GRIK4: variants seen among roughly 807,000 people sequenced by gnomAD.
GRIK4 encodes glutamate receptor ionotropic, kainate 4.
GRIK4 carries 40 observed loss-of-function variants against 104.9 expected under a neutral mutation model. That is an observed-to-expected ratio of 0.38 (90% CI 0.30 to 0.50). The LOEUF (loss-of-function observed/expected upper bound fraction) is 0.50, where lower values mean the gene tolerates loss of function less well. Among genes scored for constraint, GRIK4 ranks in the 20% least tolerant of loss-of-function variants. The pLI, the probability that GRIK4 is intolerant of heterozygous loss-of-function variation, is 0.93. For missense variants in GRIK4, 1,047 were observed against 1,308.1 expected (o/e 0.80, Z 3.08); for synonymous variants, 485 against 524.9 (o/e 0.92, Z 1.04).
At chr11:120,548,451 G>T (rs1315864095) in intron 1 of GRIK4, among the ~76,000 whole-genome samples, 1 of 152,058 alleles carries the variant, frequency 6.6e-6, no homozygotes, top group Non-Finnish European at 1.5e-5. Flanking sequence ...GAGACAAGGG[G>T]TGTGGTCAGA....
At chr11:120,752,652 C>T (rs73576552) in intron 3 of GRIK4, among the ~76,000 whole-genome samples, 11,898 of 152,228 alleles carry the variant, frequency 0.078, 530 homozygotes, top group South Asian at 0.16. Flanking sequence ...TTTTACTTTC[C>T]ACCCTCCCTG....
chr11:120,775,325 C>T (rs919347326), intron 3 of GRIK4, among the ~76,000 whole-genome samples: 17 of 152,210 alleles, frequency 1.1e-4, no homozygotes, highest in East Asian at 1.9e-4. Flanking sequence ...TGTCTGATGA[C>T]GGGGAGGAGG....
At chr11:120,893,330 A>G (rs189018165) in intron 11 of GRIK4, among the ~76,000 whole-genome samples, 19 of 152,352 alleles carry the variant, frequency 1.2e-4, no homozygotes, top group African/African-American at 4.6e-4. Context: ...CATATCGGTT[A>G]TATTTACCTA....
intron 4 of GRIK4, among the ~76,000 whole-genome samples, chr11:120,805,951 C>G (rs1952702616): frequency 6.6e-6 from 1 of 152,194 alleles, no homozygotes; most frequent in Non-Finnish European, 1.5e-5. Context: ...ACCAGACTGA[C>G]CAGCATTAAA....
In GRIK4 at chr11:120,673,407, G is replaced by C. The variant is rs1950051566; in HGVS notation, c.82+13007G>C. On this transcript the variant is annotated intron_variant, in intron 3 of 20. Transcript: ENST00000527524. ...ACAAGTGCTGCTTGCCGAGGACTGT[G>C]CAGTGATGCTGCTGGCTCCCTGTCC... 1.3e-5 allele frequency among the ~76,000 whole-genome samples: 2 copies of C among 152,222 alleles called. 1 individual carries two copies. The highest frequency in any genetic ancestry group is 4.1e-4 in the South Asian group (2 of 4,832).
chr11:120,813,895 G>A (rs1952879198), intron 4 of GRIK4, among the ~76,000 whole-genome samples: 1 of 152,218 alleles, frequency 6.6e-6, no homozygotes, highest in Non-Finnish European at 1.5e-5. Flanking sequence ...AACCTCGATT[G>A]CATTTTCTGA....
intron 17 of GRIK4, 23 bp from the exon 18 acceptor site, chr11:120,962,433 G>T (rs557981570): frequency 6.5e-7 from 1 of 1,539,808 alleles, no homozygotes; most frequent in South Asian, 1.1e-5. Context: ...TCCCAATCCT[G>T]CTTCCTTTTG....
intron 1 of GRIK4, among the ~76,000 whole-genome samples, chr11:120,627,244 C>G (rs1440304565): frequency 6.6e-6 from 1 of 152,230 alleles, no homozygotes; most frequent in Non-Finnish European, 1.5e-5. Flanking sequence ...TTCCTTCATT[C>G]ACAAGAAATT....
chr11:120,880,753 C>T (rs1307499833), intron 11 of GRIK4, among the ~76,000 whole-genome samples: 1 of 152,240 alleles, frequency 6.6e-6, no homozygotes, highest in Non-Finnish European at 1.5e-5. Flanking sequence ...TCAAAATCTG[C>T]CTCCTAATTC....
chr11:120,663,848 T>C (rs1949860034), intron 3 of GRIK4, among the ~76,000 whole-genome samples: 1 of 152,220 alleles, frequency 6.6e-6, no homozygotes, highest in South Asian at 2.1e-4. Context: ...TCAGCTTAAA[T>C]GGCTCTTCCT....
At chr11:120,926,290 C>T (rs1943344623) in intron 13 of GRIK4, among the ~76,000 whole-genome samples, 1 of 152,126 alleles carries the variant, frequency 6.6e-6, no homozygotes, top group Admixed American at 6.5e-5. Context: ...CTTTTCACTC[C>T]CTTCAATACC....
intron 1 of GRIK4, among the ~76,000 whole-genome samples, chr11:120,618,389 G>A (rs1429181823): frequency 6.6e-6 from 1 of 152,226 alleles, no homozygotes; most frequent in Admixed American, 6.5e-5. Context: ...GAGGAGAAGA[G>A]CATGAAACTG....
intron 1 of GRIK4, among the ~76,000 whole-genome samples, chr11:120,563,383 C>G (rs1948265427): frequency 6.6e-6 from 1 of 152,076 alleles, no homozygotes; most frequent in African/African-American, 2.4e-5. Context: ...CTGGAAGAAC[C>G]CTGTGCCCAG....
In GRIK4 at chr11:120,963,204, A is replaced by G. The variant is rs987817083; in HGVS notation, c.2266+523A>G. Among the ~76,000 whole-genome samples, 15 of 152,340 alleles carry G rather than the reference A, an allele frequency of 9.8e-5. No homozygotes were observed. The South Asian group carries it at 1.2e-3, about 13-fold the overall frequency. Reference sequence around the variant, plus strand: ...AATTATTTGTGGATTTCACTGATCCATCTATGGTAGGTCGGTGTGGGTCAT... The same window carrying G: ...AATTATTTGTGGATTTCACTGATCCGTCTATGGTAGGTCGGTGTGGGTCAT... On this transcript the variant is annotated intron_variant, in intron 18 of 20. Coordinates refer to ENST00000527524, the MANE Select transcript of GRIK4 (RefSeq NM_014619.5).
At chr11:120,973,240 T>C (rs1225574153) in intron 19 of GRIK4, among the ~76,000 whole-genome samples, 1 of 152,146 alleles carries the variant, frequency 6.6e-6, no homozygotes, top group African/African-American at 2.4e-5. Flanking sequence ...TCTAGATGGT[T>C]CCACAGTTTT....
At chr11:120,540,395 C>T (rs1288299601) in intron 1 of GRIK4, among the ~76,000 whole-genome samples, 7 of 150,634 alleles carry the variant, frequency 4.6e-5, no homozygotes, top group Admixed American at 2.0e-4. Flanking sequence ...CTGAGGGGGG[C>T]GAATCACTTG....
chr11:120,712,885 A>T lies in GRIK4; in HGVS notation c.82+52485A>T, dbSNP rs139418652. Among the ~76,000 whole-genome samples the T allele has an allele frequency of 6.3e-3, 962 of 152,066 alleles. 2 individuals are homozygous for T. The highest frequency in any genetic ancestry group is 9.9e-3 in the Non-Finnish European group (672 of 67,976). ...TTTCCTGCCCCCTCAGTCCCTTCTT[A>T]TGTGATTTGATTTTTACCCGTGTCA... On this transcript the variant is annotated intron_variant, in intron 3 of 20. Coordinates refer to ENST00000527524, the MANE Select transcript of GRIK4 (RefSeq NM_014619.5).
intron 12 of GRIK4, among the ~76,000 whole-genome samples, chr11:120,899,418 CAAAAAAA>C (rs57401981): frequency 1.8e-4 from 13 of 71,842 alleles, no homozygotes; most frequent in South Asian, 4.8e-4. Flanking sequence ...GAGACTGTCT[CAAAAAAA>C]AAAAAAAAAA....
At position 120,831,854 on chromosome 11, in the gene GRIK4, C is replaced by T. The variant is rs764347245; in HGVS notation, c.514C>T (p.Leu172Phe). 60 of 1,612,678 alleles carry T rather than the reference C, an allele frequency of 3.7e-5. No homozygotes were observed. The highest frequency in any genetic ancestry group is 4.8e-5 in the Non-Finnish European group (57 of 1,179,030). Residue 172 changes from leucine to phenylalanine, a missense_variant and splice_region_variant, in exon 7 of 21, where the codon CTT (leucine) becomes TTT (phenylalanine). Around this residue, in one of 3 missense-constraint regions of GRIK4, gnomAD observed 447 missense variants for 514.9 expected, o/e 0.87. Coordinates refer to ENST00000527524, the MANE Select transcript of GRIK4 (RefSeq NM_014619.5). ...ACLICAKAEC[L>F]LNLEKLLRQF... ...GCTTCATCCTCTCTCCCCTCCAGGCCTTTTAAACCTAGAGAAGCTGCTCCG... is the reference window on the plus strand; with the variant it reads ...GCTTCATCCTCTCTCCCCTCCAGGCTTTTTAAACCTAGAGAAGCTGCTCCG...
Sources: gnomAD v4.1 joint callset for allele counts (sites outside exome capture counted in the v4.1 genomes callset) on GRCh38, gnomAD v4.1.1 for gene constraint, gnomAD v4.1.1 regional missense constraint, MANE v1.5 for transcripts, NCBI Gene and HGNC (gene_info 2026-07-23, HGNC 2026-07-21) for gene names.